BCAS3: variants seen among roughly 807,000 people sequenced by gnomAD.
BCAS3 encodes the protein BCAS3 microtubule associated cell migration factor, also known as BCAS4/BCAS3 fusion.
In BCAS3, 53 loss-of-function variants were observed where a neutral mutation model predicts 116.1. The ratio of observed to expected loss-of-function variants is 0.46; its 90% CI spans 0.37 to 0.57. The LOEUF (loss-of-function observed/expected upper bound fraction) is 0.57. Among genes scored for constraint, BCAS3 ranks in the 20% least tolerant of loss-of-function variants. The pLI, the probability that BCAS3 is intolerant of heterozygous loss-of-function variation, is 0.00. For missense variants in BCAS3, 917 were observed against 1,165.4 expected (o/e 0.79, Z 3.10); for synonymous variants, 391 against 408.2 (o/e 0.96, Z 0.51).
chr17:61,074,182 G>GT (rs1029099847), intron 19 of BCAS3, among the ~76,000 whole-genome samples: 1 of 148,918 alleles, frequency 6.7e-6, no homozygotes, highest in African/African-American at 2.5e-5. Context: ...GGAAATATCC[G>GT]TATCTTTAGC....
rs563980785 is a variant in BCAS3, at chr17:61,226,402, G to T, written c.2425+141838G>T. 6.6e-6 allele frequency among the ~76,000 whole-genome samples: 1 copy of T among 152,264 alleles called. No homozygotes were observed. Among genetic ancestry groups the T allele is most frequent in the Admixed American group, 6.5e-5 (1 of 15,302 alleles). On this transcript the variant is annotated intron_variant, in intron 22 of 23. Transcript: ENST00000407086. The surrounding 1 kb of genome is among the most constrained non-coding windows in gnomAD (Gnocchi z 6.0). Reference sequence around the variant, plus strand: ...TTTCTTTTTTGTATAGTTGAAGAAAGAATTAAGACATTTCAAACTTTTGTA... The same window carrying T: ...TTTCTTTTTTGTATAGTTGAAGAAATAATTAAGACATTTCAAACTTTTGTA...
intron 23 of BCAS3, among the ~76,000 whole-genome samples, chr17:61,370,240 A>G (rs1308135227): frequency 2.6e-5 from 4 of 151,028 alleles, no homozygotes; most frequent in South Asian, 2.1e-4. Context: ...TTAAAACTGC[A>G]TGACCCACAG....
At chr17:61,372,175 G>T (rs2059082849) in intron 23 of BCAS3, among the ~76,000 whole-genome samples, 1 of 152,130 alleles carries the variant, frequency 6.6e-6, no homozygotes, top group Non-Finnish European at 1.5e-5. Context: ...CTCCACTGGA[G>T]CCTGCTCTGT....
At chr17:60,895,786 T>C (rs1016152111) in intron 10 of BCAS3, among the ~76,000 whole-genome samples, 26 of 152,208 alleles carry the variant, frequency 1.7e-4, no homozygotes, top group Admixed American at 1.6e-3. Flanking sequence ...GACTCAGTAG[T>C]GTTCAGGGGC....
At chr17:60,764,128 C>G (rs1051025469) in intron 6 of BCAS3, among the ~76,000 whole-genome samples, 5 of 150,428 alleles carry the variant, frequency 3.3e-5, no homozygotes, top group Non-Finnish European at 4.4e-5. Flanking sequence ...ATTTTGTTAT[C>G]TTTTCAAAAA....
intron 7 of BCAS3, among the ~76,000 whole-genome samples, chr17:60,855,371 C>T (rs73318696): frequency 0.066 from 10,001 of 151,530 alleles, 1,090 homozygotes; most frequent in African/African-American, 0.23. Context: ...GGCGACTGTT[C>T]CATTTTATAT....
rs771915566 is a variant in BCAS3 at position 61,387,283 on chromosome 17, G to C, written c.2594-4694G>C. Among the ~76,000 whole-genome samples the C allele has an allele frequency of 7.2e-5, 11 of 152,216 alleles. No homozygotes were observed. Among genetic ancestry groups the C allele is most frequent in the Non-Finnish European group, 1.2e-4 (8 of 68,038 alleles). On this transcript the variant is annotated intron_variant, in intron 23 of 23. Transcript: ENST00000407086. This position sits in a 1 kb window ranked among gnomAD's most constrained non-coding sequence, Gnocchi z 6.2. ...ACGGCCCAGCTCAGGAGTAGGACAA[G>C]GTGTGGGCAGCCATGCCCTTGCCTC...
rs982195567 is a variant in BCAS3, at chr17:61,325,005, G to A, written c.2426-43322G>A. ...GTTAGAGAGTTCTTGCAAAGGAGATGTTTTTGTTAGAGACACTGAAAATTC... is the reference window on the plus strand; with the variant it reads ...GTTAGAGAGTTCTTGCAAAGGAGATATTTTTGTTAGAGACACTGAAAATTC... On this transcript the variant is annotated intron_variant, in intron 22 of 23. Transcript: ENST00000407086. The surrounding 1 kb of genome is among the most constrained non-coding windows in gnomAD (Gnocchi z 6.4). Among the ~76,000 whole-genome samples, 1 of 152,134 alleles carries A rather than the reference G, an allele frequency of 6.6e-6. No individual in the cohort carries two copies. Among genetic ancestry groups the A allele is most frequent in the Non-Finnish European group, 1.5e-5 (1 of 68,028 alleles).
At position 61,128,735 on chromosome 17, in the gene BCAS3, C is replaced by A. The variant is rs570411418; in HGVS notation, c.2425+44171C>A. ...GTCTCACAACATGATTTTGCATTTA[C>A]ATCATCGTGCTAGCTGGTAGAATTT... On this transcript the variant is annotated intron_variant, in intron 22 of 23. Transcript: ENST00000407086. This position sits in a 1 kb window ranked among gnomAD's most constrained non-coding sequence, Gnocchi z 4.1. 6.1e-6 allele frequency: 3 copies of A among 490,114 alleles called. No homozygotes were observed. In the East Asian group the frequency reaches 4.5e-4, roughly 74 times the overall value. 30.4% of individuals were successfully genotyped at this position (490,114 alleles called of 1,614,324 possible).
chr17:61,227,413 T>G lies in BCAS3; in HGVS notation c.2426-140914T>G, dbSNP rs1158471925. Reference sequence around the variant, plus strand: ...CACTAATGCTGTTATAACCTAAACATGTCCCTAAGACCAGAAATTATAATT... The same window carrying G: ...CACTAATGCTGTTATAACCTAAACAGGTCCCTAAGACCAGAAATTATAATT... On this transcript the variant is annotated intron_variant, in intron 22 of 23. Coordinates refer to ENST00000407086, the MANE Select transcript of BCAS3 (RefSeq NM_017679.5). The surrounding 1 kb of genome is among the most constrained non-coding windows in gnomAD (Gnocchi z 6.1). Among the ~76,000 whole-genome samples the G allele has an allele frequency of 6.6e-6, 1 of 152,220 alleles. No individual in the cohort carries two copies. Among genetic ancestry groups the G allele is most frequent in the Non-Finnish European group, 1.5e-5 (1 of 68,032 alleles).
At chr17:60,871,091 A>G (rs1404946972) in intron 8 of BCAS3, among the ~76,000 whole-genome samples, 2 of 152,206 alleles carry the variant, frequency 1.3e-5, no homozygotes, top group South Asian at 2.1e-4. Context: ...GTTGTTTGTA[A>G]TATTCCTACG....
rs372929737 is a variant in BCAS3, at chr17:61,390,915, G to A, written c.2594-1062G>A. The stretch of plus-strand genomic sequence containing the variant: ...GCAGGCATCCCTTGGAGAAGGAAAG[G>A]TTGCAGGTCTACATATCTTGGCTTG... On this transcript the variant is annotated intron_variant, in intron 23 of 23. Coordinates refer to ENST00000407086, the MANE Select transcript of BCAS3 (RefSeq NM_017679.5). This position sits in a 1 kb window ranked among gnomAD's most constrained non-coding sequence, Gnocchi z 6.8. 6.6e-6 allele frequency: 1 copy of A among 152,306 alleles called. No individual in the cohort carries two copies. The highest frequency in any genetic ancestry group is 2.4e-5 in the African/African-American group (1 of 41,452). 9.4% of individuals were successfully genotyped at this position (152,306 alleles called of 1,614,324 possible).
rs1223853741 is a variant in BCAS3, at chr17:61,239,182, AG to A, written c.2426-129144del. Among the ~76,000 whole-genome samples the A allele has an allele frequency of 1.3e-5, 2 of 152,244 alleles. No homozygotes were observed. Among genetic ancestry groups the A allele is most frequent in the African/African-American group, 4.8e-5 (2 of 41,474 alleles). On this transcript the variant is annotated intron_variant, in intron 22 of 23. Transcript: ENST00000407086. The surrounding 1 kb of genome is among the most constrained non-coding windows in gnomAD (Gnocchi z 4.2). ...ATGCAAAAGCAAAAAGGAATAAAAT[AG>A]CAGGTTACCATAGTATAGATAGTAG...
At chr17:61,277,752 T>C (rs1435513589) in intron 22 of BCAS3, among the ~76,000 whole-genome samples, 1 of 152,114 alleles carries the variant, frequency 6.6e-6, no homozygotes, top group African/African-American at 2.4e-5. Context: ...ATGCCCAACA[T>C]CATTAACCAT....
chr17:60,708,627 T>C (rs914449855), intron 4 of BCAS3, among the ~76,000 whole-genome samples: 1 of 152,022 alleles, frequency 6.6e-6, no homozygotes, highest in African/African-American at 2.4e-5. Context: ...GCCTCCTGGG[T>C]TCAAGAGATT....
intron 12 of BCAS3, among the ~76,000 whole-genome samples, chr17:60,913,215 A>C (rs1049257314): frequency 6.6e-6 from 1 of 152,116 alleles, no homozygotes; most frequent in Non-Finnish European, 1.5e-5. Flanking sequence ...AGAAATGTTA[A>C]CTTTTAAAAG....
intron 4 of BCAS3, among the ~76,000 whole-genome samples, chr17:60,701,805 C>CA (rs71370178): frequency 0.049 from 3,750 of 77,030 alleles, 63 homozygotes; most frequent in Non-Finnish European, 0.069. Flanking sequence ...ACTAAAAATA[C>CA]AAAAAAAAAA....
chr17:60,894,041 C>T (rs2057353782), intron 10 of BCAS3, among the ~76,000 whole-genome samples: 2 of 152,062 alleles, frequency 1.3e-5, no homozygotes, highest in African/African-American at 4.8e-5. Context: ...TTTGCTGCCC[C>T]ACCCCATTTT....
At chr17:60,933,304 C>A (rs1234243963) in intron 13 of BCAS3, among the ~76,000 whole-genome samples, 1 of 152,260 alleles carries the variant, frequency 6.6e-6, no homozygotes, top group African/African-American at 2.4e-5. Flanking sequence ...GGAAGAAATC[C>A]TCAATTCTGT....
Sources: gnomAD v4.1 joint callset for allele counts (sites outside exome capture counted in the v4.1 genomes callset) on GRCh38, gnomAD v4.1.1 for gene constraint, Gnocchi (gnomAD v3.1) non-coding constraint, MANE v1.5 for transcripts, NCBI Gene and HGNC (gene_info 2026-07-23, HGNC 2026-07-21) for gene names.